The following FNIP2 variants were observed in gnomAD, a reference collection of about 807,000 sequenced individuals.
FNIP2 encodes folliculin interacting protein 2, also known as folliculin-interacting protein 2.
A neutral mutation model predicts 108.7 loss-of-function variants in FNIP2; 32 were observed. The ratio of observed to expected loss-of-function variants is 0.29; its 90% CI spans 0.22 to 0.40. The LOEUF (loss-of-function observed/expected upper bound fraction) is 0.40. FNIP2 is among the 10% of genes least tolerant of loss of function. FNIP2 has a pLI of 1.00. For synonymous variants in FNIP2, 480 were observed against 496.7 expected, an observed-to-expected ratio of 0.97 and a Z score of 0.45; for missense variants, 1,202 against 1,381.6, an observed-to-expected ratio of 0.87 and a Z score of 2.06.
intron 2 of FNIP2, 134 bp from the exon 3 acceptor site, chr4:158,828,945 G>C (rs1017439625): frequency 3.2e-6 from 2 of 628,184 alleles, no homozygotes; most frequent in Non-Finnish European, 5.0e-6. Context: ...CATTATTGGG[G>C]AAAAAAAAAA....
intron 2 of FNIP2, among the ~76,000 whole-genome samples, chr4:158,827,749 G>A (rs1778236438): frequency 6.6e-6 from 1 of 152,176 alleles, no homozygotes; most frequent in Non-Finnish European, 1.5e-5. Flanking sequence ...CACTTTGAAT[G>A]CCATCATTGC....
chr4:158,798,199 G>A (rs1392253737), intron 1 of FNIP2, among the ~76,000 whole-genome samples: 1 of 151,978 alleles, frequency 6.6e-6, no homozygotes, highest in Non-Finnish European at 1.5e-5. Context: ...TGAGTAGTTA[G>A]CATTACACGC....
intron 1 of FNIP2, among the ~76,000 whole-genome samples, chr4:158,781,043 A>AG (rs1238341262): frequency 1.3e-5 from 2 of 152,050 alleles, no homozygotes; most frequent in African/African-American, 2.4e-5. Context: ...TCAAAAAAAA[A>AG]AAAAAAAGAA....
In FNIP2 at chr4:158,878,988, T is replaced by C. The variant is rs552011401; in HGVS notation, c.2949+8519T>C. On this transcript the variant is annotated intron_variant, in intron 14 of 16. Transcript: ENST00000264433. ...AATTAGAATTTGAAATGGAGGCTAC[T>C]TAAGAAATTATGTTTTTGAGCTCTG... 9.3e-5 allele frequency among the ~76,000 whole-genome samples: 14 copies of C among 150,392 alleles called. 2 individuals are homozygous for C. Among genetic ancestry groups the C allele is most frequent in the South Asian group, 4.3e-4 (2 of 4,692 alleles).
chr4:158,858,128 T>C (rs1021143113), intron 8 of FNIP2, among the ~76,000 whole-genome samples: 2 of 152,070 alleles, frequency 1.3e-5, no homozygotes, highest in African/African-American at 2.4e-5. Context: ...GCATGAGTAA[T>C]TGTTATGTTG....
intron 15 of FNIP2, among the ~76,000 whole-genome samples, chr4:158,895,210 A>G (rs1782564346): frequency 6.6e-6 from 1 of 152,230 alleles, no homozygotes; most frequent in Non-Finnish European, 1.5e-5. Flanking sequence ...CAAAAGAAAA[A>G]AAAGTTGTGG....
In FNIP2 at chr4:158,781,033, TCA is replaced by T. The variant is rs1491349698; in HGVS notation, c.107+11715_107+11716del. Among the ~76,000 whole-genome samples, 308 of 48,160 alleles carry T rather than the reference TCA, an allele frequency of 6.4e-3. 1 individual carries two copies. Among genetic ancestry groups the T allele is most frequent in the African/African-American group, 0.014 (272 of 18,930 alleles). The allele number at this position is 48,160 out of a possible 152,430, so 31.6% of individuals were successfully genotyped here. On this transcript the variant is annotated intron_variant, in intron 1 of 16. Transcript: ENST00000264433. ...CTCAGCAACAGAGGGAGAGTCCTTC[TCA>T]AAAAAAAAAAAAAAAGAAAAAAGAA...
chr4:158,860,023 G>T (rs1176598789), intron 10 of FNIP2, among the ~76,000 whole-genome samples: 1 of 152,190 alleles, frequency 6.6e-6, no homozygotes, highest in African/African-American at 2.4e-5. Flanking sequence ...GTTCAGGGAT[G>T]CTTATTCAAA....
Position 158,882,362 on chromosome 4 carries a change from C to T in FNIP2, c.2950-9084C>T, listed in dbSNP as rs568413650. Among the ~76,000 whole-genome samples the T allele has an allele frequency of 3.6e-4, 55 of 151,374 alleles. 1 individual carries two copies. Among genetic ancestry groups the T allele is most frequent in the Admixed American group, 3.3e-3 (51 of 15,244 alleles). On this transcript the variant is annotated intron_variant, in intron 14 of 16. Coordinates refer to ENST00000264433, the MANE Select transcript of FNIP2 (RefSeq NM_020840.3). ...GGGCAGCCCCCGTCCGGCCAGCCGC[C>T]CCGTCCGGGAGGGAGGTGGGGGGCG...
At chr4:158,882,405 C>A (rs1781722329) in intron 14 of FNIP2, among the ~76,000 whole-genome samples, 4 of 151,742 alleles carry the variant, frequency 2.6e-5, no homozygotes, top group Admixed American at 2.6e-4. Flanking sequence ...CCGGCCACCA[C>A]CCCGTCCGGG....
intron 1 of FNIP2, among the ~76,000 whole-genome samples, chr4:158,779,381 A>G (rs1262167685): frequency 6.6e-6 from 1 of 152,200 alleles, no homozygotes; most frequent in Non-Finnish European, 1.5e-5. Flanking sequence ...ATGATTATGA[A>G]GACAGTGTTA....
chr4:158,825,044 C>A (rs964802986), intron 1 of FNIP2, among the ~76,000 whole-genome samples: 1 of 152,188 alleles, frequency 6.6e-6, no homozygotes, highest in Non-Finnish European at 1.5e-5. Flanking sequence ...CCCACTGAAT[C>A]ATGAACTCCA....
chr4:158,849,529 G>A (rs1779581345), intron 7 of FNIP2, among the ~76,000 whole-genome samples: 1 of 152,162 alleles, frequency 6.6e-6, no homozygotes, highest in Non-Finnish European at 1.5e-5. Flanking sequence ...AAGGAGAGAG[G>A]CAGGACCCTA....
chr4:158,809,341 C>A (rs1455258081), intron 1 of FNIP2, among the ~76,000 whole-genome samples: 1 of 152,146 alleles, frequency 6.6e-6, no homozygotes, highest in African/African-American at 2.4e-5. Flanking sequence ...TACCTGTAAT[C>A]CCAGCTACTT....
rs1017138653 is a variant in FNIP2 at position 158,852,205 on chromosome 4, A to G, written c.857+755A>G. ...ATATCACAGGGAGACATAAAGTGCC[A>G]TGAGACTCAGGATGGAGAAAATACA... On this transcript the variant is annotated intron_variant, in intron 8 of 16. Coordinates refer to ENST00000264433, the MANE Select transcript of FNIP2 (RefSeq NM_020840.3). 3.3e-5 allele frequency among the ~76,000 whole-genome samples: 5 copies of G among 152,320 alleles called. No homozygotes were observed. In the East Asian group the frequency reaches 5.8e-4, roughly 18 times the overall value.
chr4:158,837,263 A>G (rs900580106), intron 7 of FNIP2, among the ~76,000 whole-genome samples: 2 of 152,146 alleles, frequency 1.3e-5, no homozygotes, highest in Non-Finnish European at 2.9e-5. Flanking sequence ...AATTTAACAT[A>G]TTTGCCTCTG....
rs568899220 is a variant in FNIP2, at chr4:158,902,328, A to G, written c.3267-2138A>G. Among the ~76,000 whole-genome samples the G allele has an allele frequency of 3.2e-4, 48 of 152,158 alleles. 1 individual carries two copies. Among genetic ancestry groups the G allele is most frequent in the Non-Finnish European group, 6.3e-4 (43 of 68,022 alleles). ...TCACCAGCGGAGGCTGTAGAACAGCAAAGATTGCTGCCTGTTCCTTCCTCT... is the reference window on the plus strand; with the variant it reads ...TCACCAGCGGAGGCTGTAGAACAGCGAAGATTGCTGCCTGTTCCTTCCTCT... On this transcript the variant is annotated intron_variant, in intron 16 of 16. Coordinates refer to ENST00000264433, the MANE Select transcript of FNIP2 (RefSeq NM_020840.3).
intron 1 of FNIP2, among the ~76,000 whole-genome samples, chr4:158,773,629 T>C (rs1775767593): frequency 1.3e-5 from 2 of 152,214 alleles, no homozygotes; most frequent in African/African-American, 2.4e-5. Flanking sequence ...ATTATTCCTG[T>C]TGAGGCTTTA....
chr4:158,782,640 G>T (rs1257594469), intron 1 of FNIP2, among the ~76,000 whole-genome samples: 1 of 151,484 alleles, frequency 6.6e-6, no homozygotes, highest in Non-Finnish European at 1.5e-5. Context: ...CAGACTTATT[G>T]CGAGGAAAGG....
Sources: gnomAD v4.1 joint callset for allele counts (sites outside exome capture counted in the v4.1 genomes callset) on GRCh38, gnomAD v4.1.1 for gene constraint, MANE v1.5 for transcripts, NCBI Gene and HGNC (gene_info 2026-07-23, HGNC 2026-07-21) for gene names.